GALNT17: variants seen among roughly 807,000 people sequenced by gnomAD.
GALNT17 encodes the protein polypeptide N-acetylgalactosaminyltransferase 17.
Under a neutral mutation model 63.7 loss-of-function variants are expected in GALNT17, and 29 were observed. The observed-to-expected ratio is 0.46, with a 90% CI of 0.34 to 0.62. The LOEUF (loss-of-function observed/expected upper bound fraction) is 0.62, where lower values mean the gene tolerates loss of function less well. GALNT17 is among the 20% of genes least tolerant of loss of function. GALNT17 has a pLI of 0.01. For missense variants in GALNT17, 603 were observed against 799.6 expected, an observed-to-expected ratio of 0.75 and a Z score of 2.97; for synonymous variants, 305 against 318.3, an observed-to-expected ratio of 0.96 and a Z score of 0.45.
At chr7:71,421,608 A>T (rs769511921) in intron 5 of GALNT17, among the ~76,000 whole-genome samples, 1 of 152,012 alleles carries the variant, frequency 6.6e-6, no homozygotes, top group Non-Finnish European at 1.5e-5. Flanking sequence ...GCCTCTCGGG[A>T]TATGGAGATC....
chr7:71,185,679 T>G (rs1322038105), intron 1 of GALNT17, among the ~76,000 whole-genome samples: 1 of 152,052 alleles, frequency 6.6e-6, no homozygotes, highest in Non-Finnish European at 1.5e-5. Context: ...AGCTAATTTT[T>G]TGTATTTTTA....
At chr7:71,615,922 G>C (rs1210649681) in intron 6 of GALNT17, among the ~76,000 whole-genome samples, 1 of 152,196 alleles carries the variant, frequency 6.6e-6, no homozygotes, top group Admixed American at 6.5e-5. Flanking sequence ...GATAGCAGGG[G>C]AGGAGGTGTC....
chr7:71,591,916 G>A (rs993558482), intron 6 of GALNT17, among the ~76,000 whole-genome samples: 1 of 152,186 alleles, frequency 6.6e-6, no homozygotes, highest in East Asian at 1.9e-4. Context: ...GCCTGCCTCG[G>A]CCTCTCAAAG....
At chr7:71,521,127 A>G (rs547676388) in intron 5 of GALNT17, among the ~76,000 whole-genome samples, 1 of 152,314 alleles carries the variant, frequency 6.6e-6, no homozygotes, top group South Asian at 2.1e-4. Context: ...GTGTGTGCAC[A>G]TGCACATATG....
intron 5 of GALNT17, among the ~76,000 whole-genome samples, chr7:71,465,354 A>AGAT: frequency 6.6e-6 from 1 of 152,196 alleles, no homozygotes; most frequent in Non-Finnish European, 1.5e-5. Flanking sequence ...TTAACCTAAA[A>AGAT]GATATCACCC....
At chr7:71,329,461 G>A (rs1286279229) in intron 1 of GALNT17, among the ~76,000 whole-genome samples, 1 of 152,208 alleles carries the variant, frequency 6.6e-6, no homozygotes, top group South Asian at 2.1e-4. Flanking sequence ...ACAGTGGAGC[G>A]TGTCTGTATT....
Position 71,713,230 on chromosome 7 carries a change from C to G in GALNT17, c.*1084C>G, listed in dbSNP as rs1791821597. On this transcript the variant is annotated 3_prime_UTR_variant, in exon 11 of 11. Coordinates refer to ENST00000333538, the MANE Select transcript of GALNT17 (RefSeq NM_022479.3). ...CGTGGCAGGGTGTGTGTGTGTGTGT[C>G]TGGCTGTGCGTTCCGGAGTGTGTGA... 6.5e-6 allele frequency: 1 copy of G among 153,140 alleles called. No individual in the cohort carries two copies. Among genetic ancestry groups the G allele is most frequent in the Non-Finnish European group, 1.5e-5 (1 of 68,488 alleles). 9.5% of individuals were successfully genotyped at this position (153,140 alleles called of 1,614,324 possible). A position where few individuals can be genotyped will look rare whatever the true frequency, so the allele number is the denominator to read the frequency against.
chr7:71,331,433 T>C (rs1474943060), intron 1 of GALNT17, among the ~76,000 whole-genome samples: 2 of 152,122 alleles, frequency 1.3e-5, no homozygotes, highest in East Asian at 3.9e-4. Context: ...TTTGGCCAGG[T>C]GTGGTGGCTC....
intron 2 of GALNT17, among the ~76,000 whole-genome samples, chr7:71,367,047 C>T (rs1476351882): frequency 1.3e-5 from 2 of 152,170 alleles, no homozygotes; most frequent in Non-Finnish European, 2.9e-5. Flanking sequence ...ACATTTTGTT[C>T]TACCTATTGG....
intron 1 of GALNT17, among the ~76,000 whole-genome samples, chr7:71,297,993 T>G (rs1196190224): frequency 6.6e-6 from 1 of 152,164 alleles, no homozygotes; most frequent in Non-Finnish European, 1.5e-5. Flanking sequence ...TTTATGGTTG[T>G]CAAACCTCGT....
chr7:71,372,229 A>G (rs977132946), intron 2 of GALNT17, among the ~76,000 whole-genome samples: 2 of 152,132 alleles, frequency 1.3e-5, no homozygotes, highest in Non-Finnish European at 2.9e-5. Context: ...CAGTGGCACA[A>G]TCTTGGCTCA....
intron 6 of GALNT17, among the ~76,000 whole-genome samples, chr7:71,612,609 G>T (rs1790141630): frequency 1.3e-5 from 2 of 152,170 alleles, no homozygotes; most frequent in Non-Finnish European, 2.9e-5. Flanking sequence ...TTGATAGGAT[G>T]AGAACCTGAA....
intron 9 of GALNT17, among the ~76,000 whole-genome samples, chr7:71,691,356 T>C (rs1791440599): frequency 6.6e-6 from 1 of 152,250 alleles, no homozygotes; most frequent in African/African-American, 2.4e-5. Context: ...GCACACTTAA[T>C]AGTCTACAGT....
chr7:71,447,933 A>G (rs1188307196), intron 5 of GALNT17, among the ~76,000 whole-genome samples: 1 of 152,128 alleles, frequency 6.6e-6, no homozygotes, highest in African/African-American at 2.4e-5. Flanking sequence ...GCTGCCCTCT[A>G]GCAGTGATCC....
At chr7:71,371,485 T>C (rs1325267911) in intron 2 of GALNT17, among the ~76,000 whole-genome samples, 2 of 152,232 alleles carry the variant, frequency 1.3e-5, no homozygotes, top group Admixed American at 6.5e-5. Context: ...TTTGTTTATT[T>C]ATCTAATTGT....
At chr7:71,223,084 A>C (rs1010262601) in intron 1 of GALNT17, among the ~76,000 whole-genome samples, 7 of 152,096 alleles carry the variant, frequency 4.6e-5, no homozygotes, top group Non-Finnish European at 7.4e-5. Flanking sequence ...CCCTACCCCC[A>C]AAAAAGATAG....
intron 1 of GALNT17, among the ~76,000 whole-genome samples, chr7:71,184,880 T>C (rs1434521102): frequency 6.6e-6 from 1 of 152,052 alleles, no homozygotes; most frequent in Non-Finnish European, 1.5e-5. Flanking sequence ...GGCAGCCTGC[T>C]GCACAAGCCC....
chr7:71,507,934 A>G (rs1224279554), intron 5 of GALNT17, among the ~76,000 whole-genome samples: 1 of 152,224 alleles, frequency 6.6e-6, no homozygotes, highest in East Asian at 1.9e-4. Context: ...CCTTTGTTCA[A>G]TGCCCGAGGA....
rs985306789 is a variant in GALNT17, at chr7:71,220,439, G to C, written c.238+87399G>C. Among the ~76,000 whole-genome samples the C allele has an allele frequency of 3.3e-5, 5 of 152,152 alleles. No individual in the cohort carries two copies. The South Asian group carries it at 8.3e-4, about 25-fold the overall frequency. On this transcript the variant is annotated intron_variant, in intron 1 of 10. Coordinates refer to ENST00000333538, the MANE Select transcript of GALNT17 (RefSeq NM_022479.3). ...CATAACATCTTTCTGAGAACACATT[G>C]TACGTGACTTTCATAACATCTTTCT...
Sources: gnomAD v4.1 joint callset for allele counts (sites outside exome capture counted in the v4.1 genomes callset) on GRCh38, gnomAD v4.1.1 for gene constraint, MANE v1.5 for transcripts, NCBI Gene and HGNC (gene_info 2026-07-23, HGNC 2026-07-21) for gene names.